TMEM131: variants seen among roughly 807,000 people sequenced by gnomAD.
TMEM131 encodes 2610524E03Rik.
A neutral mutation model predicts 211.6 loss-of-function variants in TMEM131; 66 were observed. The observed-to-expected ratio is 0.31, with a 90% CI of 0.26 to 0.38. TMEM131 has a LOEUF of 0.38. Among genes scored for constraint, TMEM131 ranks in the 10% least tolerant of loss-of-function variants. The pLI, the probability that TMEM131 is intolerant of heterozygous loss-of-function variation, is 1.00. For synonymous variants in TMEM131, 844 were observed against 841.3 expected, an observed-to-expected ratio of 1.00 and a Z score of -0.06; for missense variants, 2,036 against 2,299.3, an observed-to-expected ratio of 0.89 and a Z score of 2.34.
chr2:97,984,720 TATTACTATAATA>T (rs1477589770), intron 1 of TMEM131, among the ~76,000 whole-genome samples: 2 of 150,340 alleles, frequency 1.3e-5, no homozygotes, highest in Non-Finnish European at 3.0e-5. Flanking sequence ...TATAATGATA[TATTACTATAATA>T]ATTACTATAT....
At chr2:97,813,670 T>C (rs1417168553) in intron 15 of TMEM131, among the ~76,000 whole-genome samples, 1 of 152,234 alleles carries the variant, frequency 6.6e-6, no homozygotes, top group Non-Finnish European at 1.5e-5. Flanking sequence ...CATTTTTCTA[T>C]TTAGTTCTTT....
At chr2:97,883,024 C>G (rs1370940108) in intron 4 of TMEM131, among the ~76,000 whole-genome samples, 1 of 152,044 alleles carries the variant, frequency 6.6e-6, no homozygotes, top group Non-Finnish European at 1.5e-5. Flanking sequence ...TGGTGTGGAG[C>G]CTTCTTTCTG....
chr2:97,937,621 TTAA>T (rs1308154463), intron 1 of TMEM131, among the ~76,000 whole-genome samples: 1 of 151,926 alleles, frequency 6.6e-6, no homozygotes, highest in Non-Finnish European at 1.5e-5. Context: ...AAAAAGACAT[TTAA>T]TAATAATAAA....
At chr2:97,980,705 T>G (rs1679749739) in intron 1 of TMEM131, among the ~76,000 whole-genome samples, 2 of 152,110 alleles carry the variant, frequency 1.3e-5, no homozygotes, top group Non-Finnish European at 2.9e-5. Context: ...CATGGTATAT[T>G]CATACAACAG....
chr2:97,940,561 C>A (rs994344510), intron 1 of TMEM131, among the ~76,000 whole-genome samples: 2 of 152,186 alleles, frequency 1.3e-5, no homozygotes, highest in African/African-American at 4.8e-5. Flanking sequence ...GTAATCCCAG[C>A]ACTTTGGGAG....
At chr2:97,929,378 C>A (rs956696) in intron 1 of TMEM131, among the ~76,000 whole-genome samples, 114,870 of 151,520 alleles carry the variant, frequency 0.76, 45,493 homozygotes, top group African/African-American at 0.9. Context: ...AAAGGGACAA[C>A]TTTCACATGC....
At chr2:97,826,094 G>C (rs936177836) in intron 11 of TMEM131, among the ~76,000 whole-genome samples, 37 of 152,162 alleles carry the variant, frequency 2.4e-4, no homozygotes, top group African/African-American at 8.2e-4. Flanking sequence ...TGATCTCTTA[G>C]AAGTCCCCTT....
In TMEM131 at chr2:97,796,337, A is replaced by T. The variant is rs1348590404; in HGVS notation, c.3081T>A (p.Leu1027=). Residue 1027 remains leucine, a synonymous_variant, in exon 28 of 41, where the codon CTT becomes CTA. Coordinates refer to ENST00000186436, the MANE Select transcript of TMEM131 (RefSeq NM_015348.2). ...RTFKVENTGQ[L]QIHIETIEIS... ...TTTCAATGGTTTCTATGTGAATTTG[A>T]AGTTGTCCTGTATTCTCTACCTTAA... 6.4e-7 allele frequency: 1 copy of T among 1,554,950 alleles called. No homozygotes were observed. The highest frequency in any genetic ancestry group is 8.7e-7 in the Non-Finnish European group (1 of 1,150,496).
intron 5 of TMEM131, among the ~76,000 whole-genome samples, chr2:97,855,984 A>C (rs902683904): frequency 6.6e-6 from 1 of 152,202 alleles, no homozygotes; most frequent in Non-Finnish European, 1.5e-5. Flanking sequence ...TACTGAAATA[A>C]GTGAACTATA....
chr2:97,786,950 C>T (rs1396915702), intron 31 of TMEM131, among the ~76,000 whole-genome samples: 1 of 152,208 alleles, frequency 6.6e-6, no homozygotes, highest in African/African-American at 2.4e-5. Context: ...AACTATATGA[C>T]ATTTTTCCTC....
intron 2 of TMEM131, among the ~76,000 whole-genome samples, chr2:97,921,214 T>C (rs1334904914): frequency 6.6e-6 from 1 of 152,162 alleles, no homozygotes; most frequent in African/African-American, 2.4e-5. Context: ...CACACATATA[T>C]GGACACTTGA....
intron 31 of TMEM131, among the ~76,000 whole-genome samples, chr2:97,784,798 C>G (rs1163559248): frequency 6.6e-6 from 1 of 151,958 alleles, no homozygotes; most frequent in African/African-American, 2.4e-5. Context: ...GGAGAAAAAT[C>G]AATGAAACAC....
At chr2:97,926,345 A>C (rs1355374996) in intron 2 of TMEM131, among the ~76,000 whole-genome samples, 2 of 152,210 alleles carry the variant, frequency 1.3e-5, no homozygotes, top group Non-Finnish European at 2.9e-5. Flanking sequence ...AGAAACCAGG[A>C]GTTATTTAAA....
At chr2:97,827,590 T>C (rs1682464356) in intron 11 of TMEM131, 2 of 916,266 alleles carry the variant, frequency 2.2e-6, no homozygotes, top group Non-Finnish European at 1.8e-6. Context: ...CCTGTCTCCC[T>C]TCTTGTACAA....
Position 97,805,101 on chromosome 2 carries a change from T to C in TMEM131, c.2389A>G (p.Asn797Asp). Residue 797 changes from asparagine to aspartate, a missense_variant, in exon 22 of 41, where the codon AAT becomes GAT. Asn to Asp is a conservative substitution (Grantham distance 23). Transcript: ENST00000186436. ...LFKGWTGIKE[N>D]SGHRLSAIFE... ...TAAACCACTCACCTATGACCTGAAT[T>C]TTCCTTTATTCCTGTCCATCCCTTG... The C allele has an allele frequency of 1.2e-6, 2 of 1,611,192 alleles. No individual in the cohort carries two copies. The highest frequency in any genetic ancestry group is 1.7e-6 in the Non-Finnish European group (2 of 1,178,844).
At chr2:97,947,272 AAG>A (rs1379418229) in intron 1 of TMEM131, among the ~76,000 whole-genome samples, 1 of 152,084 alleles carries the variant, frequency 6.6e-6, no homozygotes, top group Non-Finnish European at 1.5e-5. Flanking sequence ...TAGACTGGAA[AAG>A]AGAAAATAAA....
chr2:97,794,864 C>A (rs559717879), intron 29 of TMEM131, 66 bp downstream of exon 29: 7 of 1,357,496 alleles, frequency 5.2e-6, no homozygotes, highest in Non-Finnish European at 7.0e-6. Context: ...GGCTGGCACA[C>A]AGTGGGCACT....
chr2:97,946,309 C>T (rs924186310), intron 1 of TMEM131, among the ~76,000 whole-genome samples: 2 of 151,322 alleles, frequency 1.3e-5, no homozygotes, highest in African/African-American at 2.4e-5. Flanking sequence ...AGAGAAAAAT[C>T]GAAGGAAACA....
At chr2:97,949,817 C>CA (rs386390704) in intron 1 of TMEM131, among the ~76,000 whole-genome samples, 21,845 of 66,734 alleles carry the variant, frequency 0.33, 4,297 homozygotes, top group Middle Eastern at 0.44. Context: ...GAGACTGTCT[C>CA]AAAAAAAAAA....
Sources: gnomAD v4.1 joint callset for allele counts (sites outside exome capture counted in the v4.1 genomes callset) on GRCh38, gnomAD v4.1.1 for gene constraint, MANE v1.5 for transcripts, NCBI Gene and HGNC (gene_info 2026-07-23, HGNC 2026-07-21) for gene names.